The following USP34 variants were observed in gnomAD, a reference collection of about 807,000 sequenced individuals.
The protein encoded by USP34 is ubiquitin carboxyl-terminal hydrolase 34.
Under a neutral mutation model 460.3 loss-of-function variants are expected in USP34, and 70 were observed. The observed-to-expected ratio is 0.15, with a 90% confidence interval of 0.13 to 0.19. The LOEUF is 0.19. USP34 is among the 10% of genes least tolerant of loss of function. The pLI is 1.00. For missense variants in USP34, 3,985 were observed against 4,236.2 expected, an observed-to-expected ratio of 0.94 and a Z score of 1.65; for synonymous variants, 1,647 against 1,405.3, an observed-to-expected ratio of 1.17 and a Z score of -3.85.
chr2:61,292,294 A>C (rs1157359026), intron 33 of USP34, among the ~76,000 whole-genome samples: 1 of 152,208 alleles, frequency 6.6e-6, no homozygotes, highest in South Asian at 2.1e-4. Context: ...GTATTTCATA[A>C]TATTAAGAGA....
intron 69 of USP34, among the ~76,000 whole-genome samples, chr2:61,209,684 C>G (rs1687218284): frequency 6.6e-6 from 1 of 152,138 alleles, no homozygotes. Flanking sequence ...TATGTATTTA[C>G]TATATTATCA....
intron 21 of USP34, among the ~76,000 whole-genome samples, chr2:61,323,120 C>CT (rs1251605943): frequency 2.6e-5 from 4 of 152,154 alleles, no homozygotes; most frequent in African/African-American, 7.2e-5. Context: ...AGTCTGAGGC[C>CT]TGTAATCCTA....
At chr2:61,342,150 C>T (rs1429318229) in intron 16 of USP34, among the ~76,000 whole-genome samples, 1 of 152,118 alleles carries the variant, frequency 6.6e-6, no homozygotes, top group Non-Finnish European at 1.5e-5. Context: ...ATGACAGTTC[C>T]AGCTCCACAT....
intron 1 of USP34, among the ~76,000 whole-genome samples, chr2:61,445,530 G>A (rs761694472): frequency 1.3e-4 from 12 of 94,892 alleles, no homozygotes; most frequent in East Asian, 6.4e-4. Flanking sequence ...TCGAGACTCC[G>A]TCTCAAAAAA....
chr2:61,295,647 T>A (rs893741985), intron 30 of USP34, among the ~76,000 whole-genome samples: 1 of 152,254 alleles, frequency 6.6e-6, no homozygotes, highest in East Asian at 1.9e-4. Context: ...GTTACAACTA[T>A]ATATTTAAAA....
intron 75 of USP34, among the ~76,000 whole-genome samples, chr2:61,198,557 C>CTTTTT (rs11340973): frequency 7.2e-6 from 1 of 139,546 alleles, no homozygotes; most frequent in East Asian, 2.1e-4. Flanking sequence ...ATCTGATAGA[C>CTTTTT]TTTTTTTTTT....
chr2:61,406,598 C>T (rs764076952), intron 2 of USP34, among the ~76,000 whole-genome samples: 4 of 151,312 alleles, frequency 2.6e-5, no homozygotes, highest in African/African-American at 7.3e-5. Flanking sequence ...GGTGCTCTGA[C>T]GCTATCTGGC....
intron 10 of USP34, among the ~76,000 whole-genome samples, chr2:61,358,569 A>G (rs1386407085): frequency 6.6e-6 from 1 of 152,198 alleles, no homozygotes; most frequent in Non-Finnish European, 1.5e-5. Context: ...GAACAAGACA[A>G]GGATGCCCAT....
chr2:61,344,601 A>C (rs908947930), intron 15 of USP34, among the ~76,000 whole-genome samples: 2 of 152,228 alleles, frequency 1.3e-5, no homozygotes, highest in Non-Finnish European at 2.9e-5. Flanking sequence ...ACAGAATATG[A>C]AAAGAGCTAA....
intron 1 of USP34, among the ~76,000 whole-genome samples, chr2:61,451,131 G>A (rs1415018647): frequency 7.4e-6 from 1 of 134,256 alleles, no homozygotes; most frequent in Non-Finnish European, 1.5e-5. Context: ...TGAGACAGGA[G>A]AATCACTTGA....
intron 8 of USP34, among the ~76,000 whole-genome samples, chr2:61,377,743 C>A (rs1016806060): frequency 1.1e-4 from 16 of 152,308 alleles, no homozygotes; most frequent in Non-Finnish European, 1.5e-4. Context: ...ATCTACAGTA[C>A]TTTGTTACAG....
At chr2:61,316,040 A>T (rs1032121659) in intron 23 of USP34, among the ~76,000 whole-genome samples, 4 of 92,462 alleles carry the variant, frequency 4.3e-5, no homozygotes, top group African/African-American at 1.4e-4. Flanking sequence ...TCTCTACTTT[A>T]AAAAAAAAAA....
At chr2:61,437,313 C>G (rs529295657) in intron 1 of USP34, among the ~76,000 whole-genome samples, 1 of 151,892 alleles carries the variant, frequency 6.6e-6, no homozygotes, top group Non-Finnish European at 1.5e-5. Flanking sequence ...AGACAAGACC[C>G]AAATAAAAGA....
At chr2:61,358,164 C>T (rs1263319937) in intron 10 of USP34, among the ~76,000 whole-genome samples, 2 of 151,064 alleles carry the variant, frequency 1.3e-5, no homozygotes, top group African/African-American at 2.4e-5. Context: ...GGCACTCCAG[C>T]CTGGGCAAGA....
At chr2:61,257,506 G>C (rs1688751052) in intron 44 of USP34, among the ~76,000 whole-genome samples, 156 bp from the exon 45 acceptor site, 1 of 152,092 alleles carries the variant, frequency 6.6e-6, no homozygotes, top group East Asian at 1.9e-4. Context: ...AGTTTTCATA[G>C]TATTTTTAAT....
intron 5 of USP34, among the ~76,000 whole-genome samples, chr2:61,387,146 C>A (rs1460119853): frequency 6.6e-6 from 1 of 152,036 alleles, no homozygotes; most frequent in Non-Finnish European, 1.5e-5. Flanking sequence ...TGAAAAGGTG[C>A]TGATTCTCAT....
intron 21 of USP34, among the ~76,000 whole-genome samples, chr2:61,320,724 T>G (rs1163132881): frequency 6.6e-6 from 1 of 152,158 alleles, no homozygotes; most frequent in East Asian, 1.9e-4. Context: ...AACAAAAATT[T>G]GTAGGCTGGG....
At chr2:61,359,428 C>G (rs1043788146) in intron 10 of USP34, among the ~76,000 whole-genome samples, 1 of 152,142 alleles carries the variant, frequency 6.6e-6, no homozygotes, top group Non-Finnish European at 1.5e-5. Context: ...CCTTACACCA[C>G]ATGTAACAAA....
intron 1 of USP34, among the ~76,000 whole-genome samples, chr2:61,462,937 A>G (rs1003306648): frequency 1.1e-4 from 17 of 151,582 alleles, no homozygotes; most frequent in African/African-American, 3.9e-4. Context: ...AGGGTGAGAC[A>G]GGAAAATCAC....
Sources: gnomAD v4.1 joint callset for allele counts (sites outside exome capture counted in the v4.1 genomes callset) on GRCh38, gnomAD v4.1.1 for gene constraint, MANE v1.5 for transcripts, NCBI Gene and HGNC (gene_info 2026-07-23, HGNC 2026-07-21) for gene names.